CTNNA3: variants seen among roughly 807,000 people sequenced by gnomAD.
CTNNA3 encodes catenin alpha 3.
In CTNNA3, 76 loss-of-function variants were observed where a neutral mutation model predicts 95.7. The observed-to-expected ratio is 0.79, with a 90% CI of 0.66 to 0.96. The LOEUF is 0.96. Among genes scored for constraint, CTNNA3 ranks in the 40% least tolerant of loss-of-function variants. CTNNA3 has a pLI of 0.00. For synonymous variants in CTNNA3, 431 were observed against 374.4 expected (o/e 1.15, Z -1.74); for missense variants, 1,191 against 1,089.8 (o/e 1.09, Z -1.31).
intron 5 of CTNNA3, among the ~76,000 whole-genome samples, chr10:67,513,248 T>C (rs979296254): frequency 2.7e-4 from 41 of 152,194 alleles, no homozygotes; most frequent in African/African-American, 9.2e-4. Context: ...AATTCTGTTC[T>C]ACTTCAGATT....
intron 9 of CTNNA3, among the ~76,000 whole-genome samples, chr10:66,729,278 C>T (rs1243775353): frequency 6.6e-6 from 1 of 152,142 alleles, no homozygotes; most frequent in East Asian, 1.9e-4. Flanking sequence ...GTCAGAATAG[C>T]TATTAAAAAG....
At chr10:67,448,048 A>G (rs1280594217) in intron 5 of CTNNA3, among the ~76,000 whole-genome samples, 1 of 152,226 alleles carries the variant, frequency 6.6e-6, no homozygotes, top group Non-Finnish European at 1.5e-5. Context: ...CACCTGAGCA[A>G]GAATTTATGA....
rs916101481 is a variant in CTNNA3, at chr10:66,437,096, C to A, written c.1532-57744G>T. Reference sequence around the variant, plus strand: ...GTGCTTCTCTTTATGGGTAACCCCACGTTTCTCTCTGGCTGCTCTTAACAT... The same window carrying A: ...GTGCTTCTCTTTATGGGTAACCCCAAGTTTCTCTCTGGCTGCTCTTAACAT... On this transcript the variant is annotated intron_variant, in intron 11 of 17. Transcript: ENST00000433211. Among the ~76,000 whole-genome samples, 3 of 152,122 alleles carry A rather than the reference C, an allele frequency of 2.0e-5. No individual in the cohort carries two copies. In the South Asian group the frequency reaches 6.2e-4, roughly 32 times the overall value.
Position 67,219,843 on chromosome 10 carries a change from C to A in CTNNA3, c.607G>T (p.Glu203Ter), listed in dbSNP as rs781443618. ...QDLKSPNQRD[E>*]IAGARASLKE... ...AGTGAAGCTCGGGCTCCTGCAATTT[C>A]ATCTCTCTGATTTGGAGATTTTAAG... The change falls in exon 6 of 18, where the codon GAA becomes TAA. Residue 203 changes from glutamate (E) to a stop codon, truncating the protein, a stop_gained. Transcript: ENST00000433211. LOFTEE classifies it high-confidence loss of function. 1 of 1,612,272 alleles carries A rather than the reference C, an allele frequency of 6.2e-7. No homozygotes were observed. Among genetic ancestry groups the A allele is most frequent in the South Asian group, 1.1e-5 (1 of 90,768 alleles).
intron 3 of CTNNA3, among the ~76,000 whole-genome samples, chr10:67,560,748 T>A (rs957122007): frequency 8.6e-5 from 13 of 152,032 alleles, no homozygotes; most frequent in African/African-American, 1.9e-4. Flanking sequence ...AACCCATCTC[T>A]TGTGCAGAGA....
At chr10:67,252,632 C>T (rs1866156521) in intron 5 of CTNNA3, among the ~76,000 whole-genome samples, 1 of 152,140 alleles carries the variant, frequency 6.6e-6, no homozygotes, top group Non-Finnish European at 1.5e-5. Context: ...CACAGGATGA[C>T]ATGAAGTGAG....
rs1346467343 is a variant in CTNNA3, at chr10:65,981,663, G to C, written c.2265+7029C>G. Among the ~76,000 whole-genome samples the C allele has an allele frequency of 2.0e-5, 3 of 151,946 alleles. No homozygotes were observed. The East Asian group carries it at 5.8e-4, about 29-fold the overall frequency. On this transcript the variant is annotated intron_variant, in intron 16 of 17. Coordinates refer to ENST00000433211, the MANE Select transcript of CTNNA3 (RefSeq NM_013266.4). ...ATAAAAATAGGCACACAGACCAATG[G>C]AACAGAATAGAGAACCCAGAAATAA...
chr10:67,640,013 C>A (rs1039677330), intron 2 of CTNNA3, among the ~76,000 whole-genome samples: 5 of 151,848 alleles, frequency 3.3e-5, no homozygotes, highest in Non-Finnish European at 5.9e-5. Context: ...CCAGGGCAAT[C>A]AGGCAGAAGG....
rs11516608 is a variant in CTNNA3, at chr10:67,562,878, T to C, written c.293-23209A>G. Among the ~76,000 whole-genome samples, 1,134 of 152,124 alleles carry C rather than the reference T, an allele frequency of 7.5e-3. 15 individuals are homozygous for C. The highest frequency in any genetic ancestry group is 0.011 in the Non-Finnish European group (735 of 68,008). ...ACAGAGAGCCAAATCATGAGTGAAC[T>C]CCCATTCACAACTGCTTCAAAGAGA... On this transcript the variant is annotated intron_variant, in intron 3 of 17. Coordinates refer to ENST00000433211, the MANE Select transcript of CTNNA3 (RefSeq NM_013266.4).
At chr10:66,453,869 G>C (rs2093479705) in intron 11 of CTNNA3, among the ~76,000 whole-genome samples, 1 of 152,112 alleles carries the variant, frequency 6.6e-6, no homozygotes, top group Admixed American at 6.6e-5. Flanking sequence ...GCAGAATAAT[G>C]GCTCCAAAGA....
chr10:67,326,903 G>A (rs1217078297), intron 5 of CTNNA3, among the ~76,000 whole-genome samples: 1 of 152,092 alleles, frequency 6.6e-6, no homozygotes, highest in Non-Finnish European at 1.5e-5. Flanking sequence ...CATATTTCTT[G>A]GAGGTTTTGT....
chr10:66,960,204 T>C (rs563985975), intron 7 of CTNNA3, among the ~76,000 whole-genome samples: 67 of 152,242 alleles, frequency 4.4e-4, no homozygotes, highest in African/African-American at 1.5e-3. Flanking sequence ...ATTTTCACAA[T>C]GAAAATGTGT....
chr10:66,597,162 C>G (rs997143701), intron 10 of CTNNA3, among the ~76,000 whole-genome samples: 1 of 151,676 alleles, frequency 6.6e-6, no homozygotes, highest in Non-Finnish European at 1.5e-5. Flanking sequence ...ATGAAGAAAG[C>G]CTATGGGAAT....
rs1394153906 is a variant in CTNNA3 at position 67,375,730 on chromosome 10, G to C, written c.579+146112C>G. Among the ~76,000 whole-genome samples the C allele has an allele frequency of 2.6e-5, 4 of 152,150 alleles. No individual in the cohort carries two copies. In the South Asian group the frequency reaches 8.3e-4, roughly 32 times the overall value. ...AAGGATTCTTCTCTACTTCATTGAA[G>C]GTGGTCAATGACTATCATATATTAA... On this transcript the variant is annotated intron_variant, in intron 5 of 17. Coordinates refer to ENST00000433211, the MANE Select transcript of CTNNA3 (RefSeq NM_013266.4).
intron 5 of CTNNA3, among the ~76,000 whole-genome samples, chr10:67,500,667 T>C (rs1839199287): frequency 6.6e-6 from 1 of 152,238 alleles, no homozygotes; most frequent in Non-Finnish European, 1.5e-5. Context: ...GTTGATTGCT[T>C]TACCATTATG....
chr10:67,153,268 G>A (rs1338515438), intron 7 of CTNNA3, among the ~76,000 whole-genome samples: 5 of 152,238 alleles, frequency 3.3e-5, no homozygotes, highest in South Asian at 2.1e-4. Flanking sequence ...GAGCCACCAC[G>A]CCTAGCCAGG....
intron 13 of CTNNA3, among the ~76,000 whole-genome samples, chr10:66,234,695 G>A (rs1256649231): frequency 1.3e-5 from 2 of 152,156 alleles, no homozygotes; most frequent in Non-Finnish European, 2.9e-5. Flanking sequence ...GCAAGGTGTA[G>A]TAACTCAATT....
intron 5 of CTNNA3, among the ~76,000 whole-genome samples, chr10:67,305,591 T>A (rs1840520919): frequency 6.6e-6 from 1 of 151,912 alleles, no homozygotes; most frequent in Non-Finnish European, 1.5e-5. Flanking sequence ...ACAATGTGAA[T>A]TGTAAAAAAA....
In CTNNA3 at chr10:67,466,929, A is replaced by G. The variant is rs534690816; in HGVS notation, c.579+54913T>C. Among the ~76,000 whole-genome samples the G allele has an allele frequency of 2.0e-5, 3 of 152,248 alleles. 1 individual carries two copies. The highest frequency in any genetic ancestry group is 4.8e-5 in the African/African-American group (2 of 41,546). On this transcript the variant is annotated intron_variant, in intron 5 of 17. Transcript: ENST00000433211. The stretch of plus-strand genomic sequence containing the variant: ...ATCAATAGATGCTCCCTAAATTTCA[A>G]TGTGGAATAACGAGGGAGCAGACAG...
Sources: gnomAD v4.1 joint callset for allele counts (sites outside exome capture counted in the v4.1 genomes callset) on GRCh38, gnomAD v4.1.1 for gene constraint, MANE v1.5 for transcripts, NCBI Gene and HGNC (gene_info 2026-07-23, HGNC 2026-07-21) for gene names.